WWOX: variants seen among roughly 807,000 people sequenced by gnomAD.
WWOX encodes WW domain containing oxidoreductase.
In WWOX, 69 loss-of-function variants were observed where a neutral mutation model predicts 46.2. That is an observed-to-expected ratio of 1.49 (90% CI 1.23 to 1.82). The LOEUF is 1.82. Ranked by LOEUF, WWOX falls within the 40% of genes most tolerant of loss-of-function variation. WWOX has a pLI of 0.00. For synonymous variants in WWOX, 359 were observed against 202.6 expected, an observed-to-expected ratio of 1.77 and a Z score of -6.56; for missense variants, 919 against 542.6, an observed-to-expected ratio of 1.69 and a Z score of -6.89.
At chr16:79,010,592 C>G (rs1156240258) in intron 8 of WWOX, among the ~76,000 whole-genome samples, 1 of 152,052 alleles carries the variant, frequency 6.6e-6, no homozygotes, top group Non-Finnish European at 1.5e-5. Flanking sequence ...TGATAAATAA[C>G]ATATGAGAAG....
At chr16:78,181,515 C>G (rs558510014) in intron 5 of WWOX, among the ~76,000 whole-genome samples, 164 of 152,248 alleles carry the variant, frequency 1.1e-3, no homozygotes, top group Non-Finnish European at 1.6e-3. Context: ...GACTTTAAGC[C>G]TTAATGAAAC....
At chr16:78,399,113 A>G (rs1385678902) in intron 6 of WWOX, among the ~76,000 whole-genome samples, 1 of 150,670 alleles carries the variant, frequency 6.6e-6, no homozygotes, top group South Asian at 2.1e-4. Context: ...GGGATGCAAG[A>G]GGTAAGTACA....
intron 8 of WWOX, among the ~76,000 whole-genome samples, chr16:78,927,231 C>G (rs1307214542): frequency 6.6e-6 from 1 of 152,206 alleles, no homozygotes; most frequent in African/African-American, 2.4e-5. Context: ...CAATGCCTGG[C>G]TGGTTGTTAC....
At chr16:78,444,671 C>T (rs960261051) in intron 8 of WWOX, among the ~76,000 whole-genome samples, 8 of 151,908 alleles carry the variant, frequency 5.3e-5, no homozygotes, top group Non-Finnish European at 1.0e-4. Flanking sequence ...GCTAGGACTA[C>T]AGGCGCGTGC....
Position 79,135,771 on chromosome 16 carries a change from AT to A in WWOX, c.1057-75836del, listed in dbSNP as rs577609517. Among the ~76,000 whole-genome samples the A allele has an allele frequency of 6.3e-3, 955 of 152,306 alleles. 11 individuals are homozygous for A. Among genetic ancestry groups the A allele is most frequent in the African/African-American group, 0.022 (911 of 41,552 alleles). The stretch of plus-strand genomic sequence containing the variant: ...TATAGCTATCAGTCGTGTAAAAAAA[AT>A]CCTCACCATTATTTCTTAATTTTAC... On this transcript the variant is annotated intron_variant, in intron 8 of 8. Transcript: ENST00000566780.
intron 8 of WWOX, among the ~76,000 whole-genome samples, chr16:78,868,643 C>T (rs1361058825): frequency 6.6e-6 from 1 of 152,114 alleles, no homozygotes; most frequent in African/African-American, 2.4e-5. Flanking sequence ...TAGACAAATT[C>T]TGTTACTATC....
At chr16:79,059,276 G>T (rs938191868) in intron 8 of WWOX, among the ~76,000 whole-genome samples, 1 of 152,072 alleles carries the variant, frequency 6.6e-6, no homozygotes, top group Admixed American at 6.5e-5. Flanking sequence ...CAGCGTAAAA[G>T]ACACCCTCAT....
chr16:78,670,478 T>G (rs572036681), intron 8 of WWOX, among the ~76,000 whole-genome samples: 43 of 152,206 alleles, frequency 2.8e-4, no homozygotes, highest in Admixed American at 2.0e-3. Flanking sequence ...CAGTGGTGTG[T>G]GATCGGAAAT....
chr16:78,190,234 C>A (rs1219124915), intron 5 of WWOX, among the ~76,000 whole-genome samples: 2 of 152,132 alleles, frequency 1.3e-5, no homozygotes, highest in Non-Finnish European at 2.9e-5. Context: ...TATCTGAAGG[C>A]CTAGGAGGTG....
intron 8 of WWOX, among the ~76,000 whole-genome samples, chr16:78,570,789 GAAAC>G (rs2044697231): frequency 6.6e-6 from 1 of 152,134 alleles, no homozygotes; most frequent in Admixed American, 6.5e-5. Context: ...TACATTTTCA[GAAAC>G]AAACAAACAT....
chr16:78,274,421 G>A (rs11645724), intron 5 of WWOX, among the ~76,000 whole-genome samples: 5 of 151,986 alleles, frequency 3.3e-5, no homozygotes, highest in African/African-American at 1.2e-4. Context: ...AACTCTTCAG[G>A]TTAGAATTCC....
intron 8 of WWOX, among the ~76,000 whole-genome samples, chr16:78,663,729 G>A (rs755311550): frequency 4.6e-5 from 7 of 152,058 alleles, no homozygotes; most frequent in South Asian, 4.2e-4. Context: ...GTGATTGTGT[G>A]TGTGATCAGT....
chr16:78,850,721 G>A (rs1331461622), intron 8 of WWOX, among the ~76,000 whole-genome samples: 1 of 152,138 alleles, frequency 6.6e-6, no homozygotes, highest in East Asian at 1.9e-4. Context: ...TGAACCAGGG[G>A]TGTGTGGACT....
chr16:78,832,637 A>G (rs557797718), intron 8 of WWOX, among the ~76,000 whole-genome samples: 1 of 152,272 alleles, frequency 6.6e-6, no homozygotes, highest in East Asian at 1.9e-4. Context: ...TTCCTGGATT[A>G]GAAAAGTCAT....
At chr16:78,694,699 G>C (rs140278836) in intron 8 of WWOX, among the ~76,000 whole-genome samples, 29 of 152,310 alleles carry the variant, frequency 1.9e-4, no homozygotes, top group African/African-American at 7.0e-4. Context: ...AGAAGCATAT[G>C]GCAGAATTCA....
intron 8 of WWOX, among the ~76,000 whole-genome samples, chr16:79,043,110 C>G (rs777155141): frequency 6.6e-6 from 1 of 152,024 alleles, no homozygotes; most frequent in Non-Finnish European, 1.5e-5. Context: ...TTCCTGGACA[C>G]GTGGGCAGGT....
intron 5 of WWOX, among the ~76,000 whole-genome samples, chr16:78,365,128 C>T (rs987463911): frequency 2.0e-5 from 3 of 152,254 alleles, no homozygotes; most frequent in Admixed American, 6.5e-5. Flanking sequence ...AATGAAGATG[C>T]TAATACCTAC....
intron 8 of WWOX, among the ~76,000 whole-genome samples, chr16:78,466,925 T>C (rs1293252152): frequency 6.9e-6 from 1 of 145,802 alleles, no homozygotes; most frequent in South Asian, 2.3e-4. Flanking sequence ...CAGGAAATAA[T>C]TGGGTTGTAT....
At chr16:78,993,579 G>T (rs1045387469) in intron 8 of WWOX, among the ~76,000 whole-genome samples, 2 of 152,172 alleles carry the variant, frequency 1.3e-5, no homozygotes, top group Admixed American at 6.5e-5. Context: ...ACGGAGCCCG[G>T]AACAGGGATG....
Sources: allele counts gnomAD v4.1 joint callset (sites outside exome capture counted in the v4.1 genomes callset), GRCh38; gene constraint gnomAD v4.1.1; transcripts MANE v1.5; gene names NCBI Gene and HGNC (gene_info 2026-07-23, HGNC 2026-07-21).